The following FAM135B variants were observed in gnomAD, a reference collection of about 807,000 sequenced individuals.
The protein encoded by FAM135B is protein FAM135B.
FAM135B carries 43 observed loss-of-function variants against 127.7 expected under a neutral mutation model. That is an observed-to-expected ratio of 0.34 (90% CI 0.26 to 0.43). The LOEUF (loss-of-function observed/expected upper bound fraction) is 0.43. Ranked by LOEUF, FAM135B falls within the 20% of genes least tolerant of loss-of-function variation. FAM135B has a pLI of 1.00. For missense variants in FAM135B, 1,558 were observed against 1,725.6 expected (o/e 0.90, Z 1.72); for synonymous variants, 670 against 665.1 (o/e 1.01, Z -0.11).
intron 3 of FAM135B, among the ~76,000 whole-genome samples, chr8:138,275,285 G>A (rs73439059): frequency 0.023 from 3,566 of 152,160 alleles, 94 homozygotes; most frequent in East Asian, 0.08. Flanking sequence ...CTGACAAATC[G>A]AATCCTTCCT....
At chr8:138,428,598 GT>G (rs955795014) in intron 1 of FAM135B, among the ~76,000 whole-genome samples, 13 of 152,152 alleles carry the variant, frequency 8.5e-5, no homozygotes, top group Non-Finnish European at 1.3e-4. Flanking sequence ...ATGCCCTCAA[GT>G]TCACCCAGCT....
chr8:138,225,457 AAAAAAAAAC>A (rs974223588), intron 7 of FAM135B, among the ~76,000 whole-genome samples: 3 of 85,446 alleles, frequency 3.5e-5, no homozygotes, highest in Non-Finnish European at 5.3e-5. Context: ...CAAAAAAACA[AAAAAAAAAC>A]AAAAAAACAA....
At chr8:138,155,356 G>C (rs917564031) in intron 12 of FAM135B, among the ~76,000 whole-genome samples, 2 of 152,170 alleles carry the variant, frequency 1.3e-5, no homozygotes, top group Non-Finnish European at 2.9e-5. Flanking sequence ...AAATTGTAAA[G>C]ACCATCGATG....
intron 7 of FAM135B, among the ~76,000 whole-genome samples, chr8:138,236,387 AACACACACACATACACACACACACAC>A (rs1820274137): frequency 7.1e-6 from 1 of 141,714 alleles, no homozygotes; most frequent in Non-Finnish European, 1.5e-5. Context: ...ATGGATAAAG[AACACACACACATACACACACACACAC>A]ACACACACAC....
intron 1 of FAM135B, among the ~76,000 whole-genome samples, chr8:138,430,377 C>A (rs1046406496): frequency 6.6e-6 from 1 of 152,172 alleles, no homozygotes; most frequent in Non-Finnish European, 1.5e-5. Flanking sequence ...TAAAATCACC[C>A]TGAAACTCAG....
At chr8:138,255,047 T>TG (rs1554645493) in intron 5 of FAM135B, among the ~76,000 whole-genome samples, 15 of 136,854 alleles carry the variant, frequency 1.1e-4, no homozygotes, top group Middle Eastern at 3.8e-3. Flanking sequence ...TTTTTTTTTT[T>TG]GAGACACAGT....
Position 138,249,402 on chromosome 8 carries a change from G to A in FAM135B, c.542+1439C>T, listed in dbSNP as rs932589960. ...TACCATATTATAATTTCATATATGC[G>A]AATGGGCCCACTTCACTGGACTGTG... is the stretch of plus-strand genomic sequence containing the variant. On this transcript the variant is annotated intron_variant, in intron 6 of 19. Transcript: ENST00000395297. Among the ~76,000 whole-genome samples the A allele has an allele frequency of 7.2e-5, 11 of 152,042 alleles. No individual in the cohort carries two copies. The South Asian group carries it at 8.3e-4, about 11-fold the overall frequency.
At chr8:138,370,341 T>C (rs1376435015) in intron 1 of FAM135B, among the ~76,000 whole-genome samples, 1 of 152,194 alleles carries the variant, frequency 6.6e-6, no homozygotes, top group Non-Finnish European at 1.5e-5. Context: ...CACAGCTTCT[T>C]GGTGGGAAAT....
At chr8:138,223,032 T>G (rs553331141) in intron 7 of FAM135B, among the ~76,000 whole-genome samples, 1 of 152,264 alleles carries the variant, frequency 6.6e-6, no homozygotes, top group East Asian at 1.9e-4. Context: ...GATTCCAAGA[T>G]TAGGTACACA....
At chr8:138,133,252 G>A (rs747089422) in intron 19 of FAM135B, among the ~76,000 whole-genome samples, 11 of 152,170 alleles carry the variant, frequency 7.2e-5, no homozygotes, top group Non-Finnish European at 1.6e-4. Context: ...CATTTCACCC[G>A]ACTCCTCTGA....
intron 12 of FAM135B, among the ~76,000 whole-genome samples, chr8:138,162,250 T>C (rs1819476669): frequency 6.6e-6 from 1 of 152,052 alleles, no homozygotes; most frequent in Non-Finnish European, 1.5e-5. Context: ...GGCAAACCTA[T>C]GAAGATAGTA....
At position 138,207,216 on chromosome 8, in the gene FAM135B, C is replaced by CTT. The variant is rs72229891; in HGVS notation, c.670-9549_670-9548dup. On this transcript the variant is annotated intron_variant, in intron 7 of 19. Transcript: ENST00000395297. ...CTCTGTGCAGTTGACTGAAACAATACTTTTTTTTTTTTTTTTTTTTGAGAC... is the reference window on the plus strand; with the variant it reads ...CTCTGTGCAGTTGACTGAAACAATACTTTTTTTTTTTTTTTTTTTTTTGAGAC... Among the ~76,000 whole-genome samples the CTT allele has an allele frequency of 3.3e-3, 440 of 134,046 alleles. 4 individuals are homozygous for CTT. The highest frequency in any genetic ancestry group is 0.011 in the African/African-American group (390 of 35,376). 87.9% of individuals were successfully genotyped at this position (134,046 alleles called of 152,430 possible).
At chr8:138,358,027 G>A (rs1830197178) in intron 2 of FAM135B, among the ~76,000 whole-genome samples, 1 of 152,114 alleles carries the variant, frequency 6.6e-6, no homozygotes, top group African/African-American at 2.4e-5. Flanking sequence ...TACAATCATG[G>A]CAGAAGGTGA....
chr8:138,218,429 C>A (rs540454452), intron 7 of FAM135B, among the ~76,000 whole-genome samples: 43 of 152,136 alleles, frequency 2.8e-4, no homozygotes, highest in African/African-American at 1.0e-3. Flanking sequence ...AGTGCAATAC[C>A]AATATAGAAA....
At chr8:138,495,976 G>A (rs1212293745) in intron 1 of FAM135B, among the ~76,000 whole-genome samples, 1 of 152,160 alleles carries the variant, frequency 6.6e-6, no homozygotes, top group South Asian at 2.1e-4. Context: ...GTGGGGTGGG[G>A]AGCTAGAAAT....
intron 3 of FAM135B, among the ~76,000 whole-genome samples, chr8:138,267,118 G>A (rs1822999946): frequency 6.6e-6 from 1 of 152,144 alleles, no homozygotes; most frequent in Non-Finnish European, 1.5e-5. Flanking sequence ...TTTGGAGGAG[G>A]AGCCTTCAGG....
intron 5 of FAM135B, among the ~76,000 whole-genome samples, chr8:138,253,724 C>A (rs1274772461): frequency 6.6e-6 from 1 of 152,176 alleles, no homozygotes; most frequent in Non-Finnish European, 1.5e-5. Flanking sequence ...AGCCGCCAGA[C>A]AAGACAAATT....
chr8:138,474,665 G>T (rs1814294844), intron 1 of FAM135B, among the ~76,000 whole-genome samples: 1 of 152,122 alleles, frequency 6.6e-6, no homozygotes, highest in Non-Finnish European at 1.5e-5. Context: ...CTCAACCAAC[G>T]ACTCTAACTA....
intron 1 of FAM135B, among the ~76,000 whole-genome samples, chr8:138,382,165 C>A (rs1831898486): frequency 6.6e-6 from 1 of 152,190 alleles, no homozygotes. Context: ...CATTCCCAAC[C>A]TTCTCACACA....
Sources: allele counts gnomAD v4.1 joint callset (sites outside exome capture counted in the v4.1 genomes callset), GRCh38; gene constraint gnomAD v4.1.1; transcripts MANE v1.5; gene names NCBI Gene and HGNC (gene_info 2026-07-23, HGNC 2026-07-21).